RBFOX3: variants seen among roughly 807,000 people sequenced by gnomAD.
The protein encoded by RBFOX3 is RNA binding fox-1 homolog 3, also known as RNA binding protein fox-1 homolog 3.
Under a neutral mutation model 48.7 loss-of-function variants are expected in RBFOX3, and 17 were observed. The observed-to-expected ratio is 0.35, with a 90% CI of 0.24 to 0.52. The LOEUF (loss-of-function observed/expected upper bound fraction) is 0.52, where lower values mean the gene tolerates loss of function less well. RBFOX3 is among the 20% of genes least tolerant of loss of function. The pLI, the probability that RBFOX3 is intolerant of heterozygous loss-of-function variation, is 0.94. For synonymous variants in RBFOX3, 212 were observed against 209.5 expected, an observed-to-expected ratio of 1.01 and a Z score of -0.10; for missense variants, 382 against 497.5, an observed-to-expected ratio of 0.77 and a Z score of 2.21.
chr17:79,521,211 C>T (rs950740497), intron 1 of RBFOX3, among the ~76,000 whole-genome samples: 15 of 150,584 alleles, frequency 1.0e-4, no homozygotes, highest in South Asian at 2.1e-4. Flanking sequence ...TACACACTCA[C>T]GCTCAGACAC....
At chr17:79,451,734 CG>C (rs1246947173) in intron 2 of RBFOX3, among the ~76,000 whole-genome samples, 6 of 152,250 alleles carry the variant, frequency 3.9e-5, no homozygotes, top group Non-Finnish European at 7.3e-5. Context: ...CTGGGTCCCC[CG>C]CAACCTTCCA....
chr17:79,204,457 GT>G lies in RBFOX3; in HGVS notation c.-34+31308del, dbSNP rs2057238351. Among the ~76,000 whole-genome samples the G allele has an allele frequency of 6.6e-6, 1 of 152,204 alleles. No homozygotes were observed. Reference sequence around the variant, plus strand: ...TATCCTGGAAAGGACACGCGTACCAGTCCAGTGAACAGCTCCTTGAAGCGCA... The same window carrying G: ...TATCCTGGAAAGGACACGCGTACCAGCCAGTGAACAGCTCCTTGAAGCGCA... On this transcript the variant is annotated intron_variant, in intron 4 of 14. Transcript: ENST00000693108. This position sits in a 1 kb window ranked among gnomAD's most constrained non-coding sequence, Gnocchi z 4.5.
At chr17:79,619,222 AG>A in the RBFOX3 span, among the ~76,000 whole-genome samples, 2 of 152,312 alleles carry the variant, frequency 1.3e-5, no homozygotes, top group East Asian at 3.9e-4. Context: ...GAGACTGCCC[AG>A]GGCCAGCACA....
At chr17:79,348,367 C>G (rs969987387) in intron 2 of RBFOX3, among the ~76,000 whole-genome samples, 3 of 152,132 alleles carry the variant, frequency 2.0e-5, no homozygotes, top group Non-Finnish European at 4.4e-5. Flanking sequence ...TTCCCCTTCA[C>G]GCTTATTCTC....
At chr17:79,139,059 AC>A (rs1361378367) in intron 4 of RBFOX3, among the ~76,000 whole-genome samples, 1 of 114,722 alleles carries the variant, frequency 8.7e-6, no homozygotes. Context: ...ACGTGTTCAC[AC>A]CCCTCACCCA....
intron 4 of RBFOX3, among the ~76,000 whole-genome samples, chr17:79,215,229 C>T (rs68140879): frequency 6.8e-6 from 1 of 148,044 alleles, no homozygotes; most frequent in Non-Finnish European, 1.5e-5. Context: ...TGCATGCTGC[C>T]GCCCTCGTGC....
chr17:79,139,730 A>C (rs774935759), intron 4 of RBFOX3, among the ~76,000 whole-genome samples: 11 of 152,286 alleles, frequency 7.2e-5, no homozygotes, highest in Non-Finnish European at 1.3e-4. Flanking sequence ...GATCCTTCCC[A>C]AAGGCAGAAA....
chr17:79,489,764 G>C (rs1056170434), intron 1 of RBFOX3, among the ~76,000 whole-genome samples: 41 of 152,142 alleles, frequency 2.7e-4, no homozygotes, highest in African/African-American at 9.7e-4. Flanking sequence ...GCTTCTCCCT[G>C]GGTGCCAGTG....
chr17:79,456,709 A>G (rs1273076772), intron 2 of RBFOX3, among the ~76,000 whole-genome samples: 1 of 152,028 alleles, frequency 6.6e-6, no homozygotes, highest in Non-Finnish European at 1.5e-5. Context: ...AGTTCCCACC[A>G]CACTTGAATT....
chr17:79,427,044 G>A (rs1555725895), intron 2 of RBFOX3, among the ~76,000 whole-genome samples: 2 of 152,132 alleles, frequency 1.3e-5, no homozygotes, highest in African/African-American at 4.8e-5. Context: ...GCAGAAGCAG[G>A]GACCTGGCTC....
At chr17:79,314,927 C>T (rs1308197318) in intron 2 of RBFOX3, among the ~76,000 whole-genome samples, 1 of 150,634 alleles carries the variant, frequency 6.6e-6, no homozygotes, top group African/African-American at 2.5e-5. Flanking sequence ...TTTTTTAAGA[C>T]TAATGCAAGA....
chr17:79,641,204 G>A, the RBFOX3 span, among the ~76,000 whole-genome samples: 3 of 152,262 alleles, frequency 2.0e-5, no homozygotes, highest in Middle Eastern at 3.4e-3. Context: ...ATGAAAAGGT[G>A]GTCATTATTA....
At chr17:79,509,667 C>T (rs957486627) in intron 1 of RBFOX3, among the ~76,000 whole-genome samples, 8 of 151,400 alleles carry the variant, frequency 5.3e-5, no homozygotes, top group African/African-American at 1.5e-4. Context: ...CTCAGGGACC[C>T]GTCCCTTCCT....
In RBFOX3 at chr17:79,583,387, C is replaced by A. The variant is rs922665469; in HGVS notation, c.-320+27439G>T. Among the ~76,000 whole-genome samples the A allele has an allele frequency of 8.2e-4, 125 of 152,232 alleles. 4 individuals are homozygous for A. In the South Asian group the frequency reaches 0.018, roughly 22 times the overall value. On this transcript the variant is annotated intron_variant, in intron 1 of 14. Transcript: ENST00000693108. ...CCCACGGTGACTCAGGTCGAAGGGC[C>A]CCTGACCTTACAGAAGACAGACAGA... is the stretch of plus-strand genomic sequence containing the variant.
At chr17:79,385,677 A>G (rs1220313028) in intron 2 of RBFOX3, among the ~76,000 whole-genome samples, 1 of 152,212 alleles carries the variant, frequency 6.6e-6, no homozygotes, top group East Asian at 1.9e-4. Context: ...CAGGGGCTCC[A>G]GTACCTCCTG....
chr17:79,229,897 G>T (rs1405684400), intron 4 of RBFOX3, among the ~76,000 whole-genome samples: 1 of 152,182 alleles, frequency 6.6e-6, no homozygotes, highest in Non-Finnish European at 1.5e-5. Context: ...TTTTGAACAG[G>T]CCTGTTGTAC....
chr17:79,635,096 A>C, the RBFOX3 span, among the ~76,000 whole-genome samples: 1 of 110,234 alleles, frequency 9.1e-6, no homozygotes, highest in Admixed American at 1.2e-4. Context: ...AAAAAAAAAA[A>C]AAAAACGTTG....
intron 2 of RBFOX3, among the ~76,000 whole-genome samples, chr17:79,366,342 T>A (rs146207508): frequency 6.6e-6 from 1 of 152,348 alleles, no homozygotes; most frequent in East Asian, 1.9e-4. Context: ...TGTTCATGCC[T>A]GCAGACCGTG....
chr17:79,136,536 A>G (rs1030910934), intron 4 of RBFOX3: 1 of 152,332 alleles, frequency 6.6e-6, no homozygotes, highest in Non-Finnish European at 1.5e-5. Context: ...ACCTGCACCA[A>G]ATGGGTCCAT....
Sources: gnomAD v4.1 joint callset for allele counts (sites outside exome capture counted in the v4.1 genomes callset) on GRCh38, gnomAD v4.1.1 for gene constraint, Gnocchi (gnomAD v3.1) non-coding constraint, MANE v1.5 for transcripts, NCBI Gene and HGNC (gene_info 2026-07-23, HGNC 2026-07-21) for gene names.